Variants in ACYP2 observed in about 807,000 individuals in gnomAD.
ACYP2 encodes acylphosphatase 2.
In ACYP2, 12 loss-of-function variants were observed where a neutral mutation model predicts 11.2. That is an observed-to-expected ratio of 1.08 (90% CI 0.69 to 1.74). The LOEUF is 1.74. ACYP2 is among the 40% of genes most tolerant of loss of function. The pLI, the probability that ACYP2 is intolerant of heterozygous loss-of-function variation, is 0.00. For synonymous variants in ACYP2, 43 were observed against 32.2 expected (o/e 1.33, Z -1.13); for missense variants, 134 against 101.9 (o/e 1.31, Z -1.35).
intron 6 of ACYP2, among the ~76,000 whole-genome samples, chr2:54,200,301 A>G (rs187847824): frequency 3.3e-5 from 5 of 152,198 alleles, no homozygotes; most frequent in Non-Finnish European, 5.9e-5. Flanking sequence ...ATATATCTAT[A>G]TATATGCACA....
intron 2 of ACYP2, among the ~76,000 whole-genome samples, chr2:54,000,217 CATCAA>C (rs563054713): frequency 7.0e-4 from 107 of 151,994 alleles, no homozygotes; most frequent in Non-Finnish European, 1.0e-3. Context: ...TCCCCACACC[CATCAA>C]ATTTAGAAAA....
intron 6 of ACYP2, among the ~76,000 whole-genome samples, chr2:54,140,367 T>C (rs1426429171): frequency 6.6e-6 from 1 of 152,218 alleles, no homozygotes; most frequent in African/African-American, 2.4e-5. Context: ...ATCCACATTA[T>C]AGAGGGTCAT....
chr2:54,299,591 C>CAAA (rs1213298753), intron 6 of ACYP2, among the ~76,000 whole-genome samples: 1 of 79,424 alleles, frequency 1.3e-5, no homozygotes, highest in East Asian at 4.8e-4. Context: ...GACTCTGTCT[C>CAAA]AAAAAAAAAA....
intron 2 of ACYP2, among the ~76,000 whole-genome samples, chr2:54,043,075 GT>G (rs1675328516): frequency 1.3e-5 from 2 of 149,244 alleles, no homozygotes; most frequent in African/African-American, 4.9e-5. Flanking sequence ...TGTGTGGGGT[GT>G]GTGTGTGTGT....
intron 4 of ACYP2, among the ~76,000 whole-genome samples, chr2:54,127,208 C>T (rs115990484): frequency 6.6e-6 from 1 of 150,844 alleles, no homozygotes; most frequent in African/African-American, 2.4e-5. Context: ...TATACACTGA[C>T]ATAATCATCC....
chr2:54,188,219 A>G (rs1019194723), intron 6 of ACYP2, among the ~76,000 whole-genome samples: 10 of 152,218 alleles, frequency 6.6e-5, no homozygotes, highest in African/African-American at 2.4e-4. Context: ...ATACAGTTCT[A>G]ATAGAGAGTG....
chr2:54,070,425 G>A (rs914535913), intron 4 of ACYP2, among the ~76,000 whole-genome samples: 2 of 152,146 alleles, frequency 1.3e-5, no homozygotes, highest in Non-Finnish European at 2.9e-5. Flanking sequence ...TCAAATGCTG[G>A]TTAAGTGGTT....
chr2:54,245,996 A>G (rs923383671), intron 6 of ACYP2, among the ~76,000 whole-genome samples: 4 of 152,094 alleles, frequency 2.6e-5, no homozygotes, highest in Admixed American at 6.6e-5. Context: ...TAGGTATTAC[A>G]TTTAGGTCTT....
intron 2 of ACYP2, among the ~76,000 whole-genome samples, chr2:54,013,502 G>T (rs1202167225): frequency 1.3e-5 from 2 of 151,864 alleles, no homozygotes; most frequent in East Asian, 1.9e-4. Context: ...GTTTCATCAT[G>T]TTGGCCAGGC....
intron 2 of ACYP2, among the ~76,000 whole-genome samples, chr2:54,027,472 T>C (rs149490839): frequency 1.3e-5 from 2 of 152,312 alleles, no homozygotes; most frequent in Non-Finnish European, 2.9e-5. Flanking sequence ...CCATCATACC[T>C]TTTGTCTTCC....
At chr2:54,010,776 A>G in intron 2 of ACYP2, among the ~76,000 whole-genome samples, 1 of 119,370 alleles carries the variant, frequency 8.4e-6, no homozygotes, top group Non-Finnish European at 1.6e-5. Context: ...GAGGCAGCAG[A>G]GTTCACCTCA....
At position 54,215,873 on chromosome 2, in the gene ACYP2, A is replaced by G. The variant is rs548652600; in HGVS notation, c.404+77125A>G. ...TAGGTCATTTAAAAACTGTCTTTATATGGAGTTTGTGCCAAAAAACACAAA... is the reference window on the plus strand; with the variant it reads ...TAGGTCATTTAAAAACTGTCTTTATGTGGAGTTTGTGCCAAAAAACACAAA... On this transcript the variant is annotated intron_variant, in intron 6 of 6. Transcript: ENST00000607452. Among the ~76,000 whole-genome samples, 8 of 152,320 alleles carry G rather than the reference A, an allele frequency of 5.3e-5. 1 individual carries two copies. The highest frequency in any genetic ancestry group is 1.9e-4 in the African/African-American group (8 of 41,574).
At chr2:54,030,883 A>G (rs1417355190) in intron 2 of ACYP2, among the ~76,000 whole-genome samples, 1 of 152,198 alleles carries the variant, frequency 6.6e-6, no homozygotes, top group East Asian at 1.9e-4. Flanking sequence ...CACCCAAATT[A>G]GTCACTGAAG....
chr2:54,118,997 A>T (rs1458947144), intron 4 of ACYP2, among the ~76,000 whole-genome samples: 2 of 148,626 alleles, frequency 1.3e-5, no homozygotes, highest in Non-Finnish European at 3.0e-5. Context: ...GTGGGGAAGT[A>T]ACTTCTTTCC....
intron 6 of ACYP2, among the ~76,000 whole-genome samples, chr2:54,265,266 A>C (rs1183180733): frequency 1.3e-5 from 2 of 152,196 alleles, no homozygotes; most frequent in Non-Finnish European, 2.9e-5. Flanking sequence ...AAGGAGGAGC[A>C]AGTCACATCT....
chr2:54,143,631 A>G (rs1364130242), intron 6 of ACYP2, among the ~76,000 whole-genome samples: 2 of 149,522 alleles, frequency 1.3e-5, no homozygotes, highest in African/African-American at 2.5e-5. Flanking sequence ...ACAGGGTTTC[A>G]CCATATTCGC....
At chr2:54,250,260 C>T (rs530999293) in intron 6 of ACYP2, among the ~76,000 whole-genome samples, 4 of 152,198 alleles carry the variant, frequency 2.6e-5, no homozygotes, top group East Asian at 1.9e-4. Context: ...TGGCAGATCA[C>T]GAGGTCAGGA....
chr2:54,304,854 G>A lies in ACYP2; in HGVS notation c.*52G>A. The A allele has an allele frequency of 9.4e-7, 1 of 1,058,204 alleles. No homozygotes were observed. Among genetic ancestry groups the A allele is most frequent in the East Asian group, 2.5e-5 (1 of 39,554 alleles). 65.6% of individuals were successfully genotyped at this position (1,058,204 alleles called of 1,614,324 possible). A position where few individuals can be genotyped will look rare whatever the true frequency, so the allele number is the denominator to read the frequency against. On this transcript the variant is annotated 3_prime_UTR_variant, in exon 7 of 7. Coordinates refer to ENST00000607452, the MANE Select transcript of ACYP2 (RefSeq NM_001320586.2). ...AACAATAGATACTGTATGTTCTTAAGACTATGTATACTAGAATAATAGTAG... is the reference window on the plus strand; with the variant it reads ...AACAATAGATACTGTATGTTCTTAAAACTATGTATACTAGAATAATAGTAG...
intron 6 of ACYP2, among the ~76,000 whole-genome samples, chr2:54,246,334 G>A (rs1686950567): frequency 6.6e-6 from 1 of 152,074 alleles, no homozygotes. Context: ...TTAGCTTAGG[G>A]AGAACAACTT....
Sources: allele counts gnomAD v4.1 joint callset (sites outside exome capture counted in the v4.1 genomes callset), GRCh38; gene constraint gnomAD v4.1.1; transcripts MANE v1.5; gene names NCBI Gene and HGNC (gene_info 2026-07-23, HGNC 2026-07-21).